Variants in ICAM2 observed in about 807,000 individuals in gnomAD.
ICAM2 encodes the protein ICAM-2.
Under a neutral mutation model 19.1 loss-of-function variants are expected in ICAM2, and 14 were observed. The ratio of observed to expected loss-of-function variants is 0.73; its 90% CI spans 0.48 to 1.15. ICAM2 has a LOEUF of 1.15. ICAM2 is among the 50% of genes most tolerant of loss of function. The pLI is 0.00. For synonymous variants in ICAM2, 153 were observed against 152.7 expected (o/e 1.00, Z -0.01); for missense variants, 311 against 355.4 (o/e 0.88, Z 1.00).
intron 1 of ICAM2, among the ~76,000 whole-genome samples, chr17:64,014,007 A>G (rs1911554384): frequency 6.6e-6 from 1 of 152,190 alleles, no homozygotes; most frequent in African/African-American, 2.4e-5. Context: ...TAAAACGCTT[A>G]TATATTTGAC....
chr17:64,013,507 G>GA (rs112468568), intron 1 of ICAM2, among the ~76,000 whole-genome samples: 3,732 of 145,216 alleles, frequency 0.026, 134 homozygotes, highest in African/African-American at 0.085. Flanking sequence ...TCTCAAAAAA[G>GA]AAAAAAAAAA....
chr17:64,003,772 G>A lies in ICAM2; in HGVS notation c.521C>T (p.Thr174Ile), dbSNP rs761620164. Residue 174 changes from threonine to isoleucine, a missense_variant, in exon 4 of 5, where the codon ACA becomes ATA. By Grantham distance (89) the Thr-to-Ile change is moderately conservative. Coordinates refer to ENST00000579788, the MANE Select transcript of ICAM2 (RefSeq NM_001099789.2). Reference protein sequence around the residue: ...AAPAPQEATATFNSTADREDG... With the variant: ...AAPAPQEATAIFNSTADREDG... ...CTCTCTGTCAGCCGTGCTGTTGAAT[G>A]TGGCTGTGGCCTCCTGCGGAGCAGG... 3 of 1,614,148 alleles carry A rather than the reference G, an allele frequency of 1.9e-6. No homozygotes were observed. The highest frequency in any genetic ancestry group is 2.7e-5 in the African/African-American group (2 of 74,960).
In ICAM2 at chr17:64,002,865, AG is replaced by A; in HGVS notation, c.709del (p.Leu237CysfsTer3). 3 of 1,613,944 alleles carry A rather than the reference AG, an allele frequency of 1.9e-6. No individual in the cohort carries two copies. Among genetic ancestry groups the A allele is most frequent in the Non-Finnish European group, 2.5e-6 (3 of 1,179,976 alleles). ...IVTVVSVLLSLFVTSVLLCFI... is the reference protein window; with the variant it reads ...IVTVVSVLLSXFVTSVLLCFI... ...GCAGAGCAGGACAGATGTCACGAACAGGGACAGCAACACCGACACCACCGTG... is the reference window on the plus strand; with the variant it reads ...GCAGAGCAGGACAGATGTCACGAACAGGACAGCAACACCGACACCACCGTG... On this transcript the variant is annotated frameshift_variant, in exon 5 of 5. Coordinates refer to ENST00000579788, the MANE Select transcript of ICAM2 (RefSeq NM_001099789.2). LOFTEE classifies it low-confidence loss of function (END_TRUNC).
chr17:64,014,376 A>AAAGAAAGAAAGGAAGG (rs1567849318), intron 1 of ICAM2, among the ~76,000 whole-genome samples: 16 of 55,414 alleles, frequency 2.9e-4, no homozygotes, highest in African/African-American at 8.5e-4. Context: ...AGAAAGAAAG[A>AAAGAAAGAAAGGAAGG]AAGGAAGGAA....
At position 64,003,849 on chromosome 17, in the gene ICAM2, G is replaced by GA; in HGVS notation, c.443dup (p.Leu149ProfsTer6). 6.2e-7 allele frequency: 1 copy of GA among 1,614,224 alleles called. No individual in the cohort carries two copies. The highest frequency in any genetic ancestry group is 1.1e-5 in the South Asian group (1 of 91,084). On this transcript the variant is annotated frameshift_variant, in exon 4 of 5. Coordinates refer to ENST00000579788, the MANE Select transcript of ICAM2 (RefSeq NM_001099789.2). LOFTEE classifies it high-confidence loss of function. ...GCAGAGTCTCATTGCCACGGAACAG[G>GA]AAGAGGGTGAGGCTGTCCAGGGGCT...
intron 1 of ICAM2, among the ~76,000 whole-genome samples, chr17:64,011,820 A>G (rs1217892998): frequency 6.6e-6 from 1 of 152,246 alleles, no homozygotes; most frequent in Non-Finnish European, 1.5e-5. Context: ...AGTTAGGAAG[A>G]ATGTGAATTA....
chr17:64,006,936 T>G (rs2143201857), intron 1 of ICAM2: 1 of 556,320 alleles, frequency 1.8e-6, no homozygotes. Context: ...AACCCAGTCC[T>G]CCCTGCTGAC....
intron 1 of ICAM2, among the ~76,000 whole-genome samples, chr17:64,007,096 T>C (rs1911249416): frequency 6.6e-6 from 1 of 152,056 alleles, no homozygotes; most frequent in African/African-American, 2.4e-5. Context: ...GAGACAAGCA[T>C]CCAAAGGCCA....
intron 1 of ICAM2, among the ~76,000 whole-genome samples, chr17:64,010,305 ATTG>A (rs1911399531): frequency 6.6e-6 from 1 of 152,186 alleles, no homozygotes; most frequent in Non-Finnish European, 1.5e-5. Context: ...TTCCTGGAAA[ATTG>A]TTTTCACCAT....
chr17:64,004,237 G>T, intron 3 of ICAM2: 1 of 452,846 alleles, frequency 2.2e-6, no homozygotes. Flanking sequence ...TAAAAGTTTG[G>T]GTCTGTCTCC....
At position 64,006,731 on chromosome 17, in the gene ICAM2, G is replaced by A. The variant is rs759338218; in HGVS notation, c.-40C>T. 3 of 1,597,738 alleles carry A rather than the reference G, an allele frequency of 1.9e-6. No homozygotes were observed. The highest frequency in any genetic ancestry group is 1.7e-6 in the Non-Finnish European group (2 of 1,165,450). ...ACGGGCTCGCAGGGACCAGCCAAGG[G>A]CTGCCTGGAGGGAGATGGTGGGCGC... On this transcript the variant is annotated 5_prime_UTR_variant, in exon 2 of 5. Coordinates refer to ENST00000579788, the MANE Select transcript of ICAM2 (RefSeq NM_001099789.2).
chr17:64,008,200 G>C (rs1170072363), intron 1 of ICAM2, among the ~76,000 whole-genome samples: 1 of 152,238 alleles, frequency 6.6e-6, no homozygotes, highest in Non-Finnish European at 1.5e-5. Context: ...GAATGATGCA[G>C]GGAGGAAGAG....
At chr17:64,013,057 A>C (rs1394099654) in intron 1 of ICAM2, among the ~76,000 whole-genome samples, 1 of 152,192 alleles carries the variant, frequency 6.6e-6, no homozygotes, top group Non-Finnish European at 1.5e-5. Flanking sequence ...TTATGCTGGT[A>C]ATCCCAGCAC....
rs1321740462 is a variant in ICAM2, at chr17:64,002,926, C to T, written c.650-1G>A. 6.2e-7 allele frequency: 1 copy of T among 1,612,036 alleles called. No homozygotes were observed. Among genetic ancestry groups the T allele is most frequent in the East Asian group, 2.2e-5 (1 of 44,766 alleles). Reference sequence around the variant, plus strand: ...ACCATCTGGCTGTCCGACACAGGCTCTGGGGAGGGAGGGGGCAAGGGTCTT... The same window carrying T: ...ACCATCTGGCTGTCCGACACAGGCTTTGGGGAGGGAGGGGGCAAGGGTCTT... On this transcript the variant is annotated splice_acceptor_variant, in intron 4 of 4. Coordinates refer to ENST00000579788, the MANE Select transcript of ICAM2 (RefSeq NM_001099789.2). LOFTEE classifies it high-confidence loss of function.
At chr17:64,003,358 A>C in intron 4 of ICAM2, 1 of 491,966 alleles carries the variant, frequency 2.0e-6, no homozygotes, top group Non-Finnish European at 3.7e-6. Flanking sequence ...CAGTCAGGCC[A>C]AACTTCTCAT....
At chr17:64,010,109 C>T (rs543529515) in intron 1 of ICAM2, among the ~76,000 whole-genome samples, 21 of 152,190 alleles carry the variant, frequency 1.4e-4, no homozygotes, top group African/African-American at 4.1e-4. Context: ...ATGGATTTGA[C>T]GGTCTCCCCG....
chr17:64,014,718 GAAGGAAGAAAGAAAGAAAGA>G (rs1342393436), intron 1 of ICAM2, among the ~76,000 whole-genome samples: 91 of 9,628 alleles, frequency 9.5e-3, no homozygotes, highest in Non-Finnish European at 0.045. Context: ...AGGAAGGAAG[GAAGGAAGAAAGAAAGAAAGA>G]AAGAAAGAAA....
intron 1 of ICAM2, among the ~76,000 whole-genome samples, chr17:64,019,086 C>T (rs73328314): frequency 0.015 from 2,330 of 152,206 alleles, 60 homozygotes; most frequent in African/African-American, 0.053. Context: ...ATTTCCTCAT[C>T]TGCAAAAAGG....
At chr17:64,004,065 T>C (rs992102978) in intron 3 of ICAM2, 101 bp from the exon 4 acceptor site, 10 of 941,284 alleles carry the variant, frequency 1.1e-5, no homozygotes, top group African/African-American at 8.3e-5. Flanking sequence ...TGTTCCACGG[T>C]TGGGGAGGAG....
Sources: gnomAD v4.1 joint callset for allele counts (sites outside exome capture counted in the v4.1 genomes callset) on GRCh38, gnomAD v4.1.1 for gene constraint, MANE v1.5 for transcripts, NCBI Gene and HGNC (gene_info 2026-07-23, HGNC 2026-07-21) for gene names.